Variants in PIWIL2 observed in about 807,000 individuals in gnomAD.
PIWIL2 encodes the protein piwi-like protein 2.
In PIWIL2, 81 loss-of-function variants were observed where a neutral mutation model predicts 116.5. That is an observed-to-expected ratio of 0.70 (90% CI 0.58 to 0.84). The LOEUF (loss-of-function observed/expected upper bound fraction) is 0.84. PIWIL2 is among the 40% of genes least tolerant of loss of function. The probability of loss-of-function intolerance (pLI) is 0.00; values close to 1 mark genes in which losing one functional copy is unlikely to be tolerated. For missense variants in PIWIL2, 1,272 were observed against 1,212.3 expected (o/e 1.05, Z -0.73); for synonymous variants, 489 against 429.5 (o/e 1.14, Z -1.71).
At chr8:22,280,996 T>G (rs943764352) in intron 2 of PIWIL2, 124 bp from the exon 3 acceptor site, 3 of 591,078 alleles carry the variant, frequency 5.1e-6, no homozygotes, top group Non-Finnish European at 8.9e-6. Flanking sequence ...ATAAAATGTT[T>G]CCCTTTATTC....
At chr8:22,344,985 C>T (rs963526271) in intron 20 of PIWIL2, among the ~76,000 whole-genome samples, 5 of 152,134 alleles carry the variant, frequency 3.3e-5, no homozygotes, top group African/African-American at 1.2e-4. Context: ...TAAAATAATG[C>T]AGCTACTTTG....
chr8:22,351,647 C>T (rs550835966), intron 20 of PIWIL2, among the ~76,000 whole-genome samples: 14 of 150,244 alleles, frequency 9.3e-5, no homozygotes, highest in African/African-American at 2.9e-4. Flanking sequence ...AAGCAATTCT[C>T]CTGCCTCAGC....
intron 20 of PIWIL2, among the ~76,000 whole-genome samples, chr8:22,348,125 A>T (rs111427849): frequency 6.6e-6 from 1 of 151,280 alleles, no homozygotes; most frequent in East Asian, 2.0e-4. Context: ...ACATGGCGAA[A>T]CCCCATCTCT....
chr8:22,289,330 T>C (rs1488185233), intron 8 of PIWIL2, among the ~76,000 whole-genome samples: 1 of 152,204 alleles, frequency 6.6e-6, no homozygotes, highest in East Asian at 1.9e-4. Flanking sequence ...TTTTTGTATT[T>C]TTAATAGAGA....
chr8:22,282,997 T>TA (rs768276613), intron 4 of PIWIL2, 37 bp from the exon 5 acceptor site: 20 of 1,524,244 alleles, frequency 1.3e-5, no homozygotes, highest in Non-Finnish European at 1.6e-5. Context: ...ATAGCTATTA[T>TA]AAAAAACCCT....
chr8:22,339,673 A>G (rs1351515250), intron 20 of PIWIL2, among the ~76,000 whole-genome samples: 1 of 152,228 alleles, frequency 6.6e-6, no homozygotes, highest in African/African-American at 2.4e-5. Context: ...AAAAGACACT[A>G]TTAAGAAAGT....
chr8:22,318,735 CAG>C (rs1476770558), intron 20 of PIWIL2, among the ~76,000 whole-genome samples: 3 of 152,210 alleles, frequency 2.0e-5, no homozygotes, highest in African/African-American at 7.2e-5. Flanking sequence ...GCAGGCAGCT[CAG>C]AGCTCCTCCT....
intron 11 of PIWIL2, 35 bp from the exon 12 acceptor site, chr8:22,304,749 T>C (rs752194796): frequency 1.6e-6 from 2 of 1,254,646 alleles, no homozygotes; most frequent in African/African-American, 1.5e-5. Flanking sequence ...TTGATGCTGC[T>C]TCTGAAATTT....
chr8:22,339,738 C>G (rs1832064791), intron 20 of PIWIL2, among the ~76,000 whole-genome samples: 1 of 152,166 alleles, frequency 6.6e-6, no homozygotes, highest in Non-Finnish European at 1.5e-5. Flanking sequence ...TATGGAAAGG[C>G]TCTAGTATCC....
In PIWIL2 at chr8:22,355,798, G is replaced by A. The variant is rs1832477677; in HGVS notation, c.*293G>A. 2 of 354,626 alleles carry A rather than the reference G, an allele frequency of 5.6e-6. No homozygotes were observed. 22.0% of individuals were successfully genotyped at this position (354,626 alleles called of 1,614,324 possible). On this transcript the variant is annotated 3_prime_UTR_variant, in exon 23 of 23. Coordinates refer to ENST00000356766, the MANE Select transcript of PIWIL2 (RefSeq NM_018068.5). ...GGGACCATTAAGACCTCCAGACCGG[G>A]TGCGGTGGTTCACACCTGTAATCCA...
chr8:22,319,705 A>G (rs1042562389), intron 20 of PIWIL2, among the ~76,000 whole-genome samples: 1 of 152,170 alleles, frequency 6.6e-6, no homozygotes, highest in Non-Finnish European at 1.5e-5. Context: ...GTCTTTTCAC[A>G]TGGGCTCTTT....
chr8:22,284,088 G>A, intron 5 of PIWIL2, 74 bp from the exon 6 acceptor site: 2 of 699,418 alleles, frequency 2.9e-6, no homozygotes, highest in South Asian at 3.8e-5. Flanking sequence ...CTTGTTGTTG[G>A]TTGTGTGGGT....
At chr8:22,277,607 A>G (rs897612609) in intron 1 of PIWIL2, among the ~76,000 whole-genome samples, 5 of 151,708 alleles carry the variant, frequency 3.3e-5, no homozygotes, top group African/African-American at 9.7e-5. Flanking sequence ...CCTGGCCTCA[A>G]TGGTCCTCCC....
intron 20 of PIWIL2, among the ~76,000 whole-genome samples, chr8:22,347,032 A>G (rs1029151972): frequency 3.3e-5 from 5 of 151,932 alleles, no homozygotes; most frequent in African/African-American, 9.7e-5. Flanking sequence ...TTAGCTGGGT[A>G]TGGTAGTATA....
intron 20 of PIWIL2, among the ~76,000 whole-genome samples, chr8:22,323,986 GCTTGGTGGCTCATGC>G (rs1446867242): frequency 6.6e-6 from 1 of 152,226 alleles, no homozygotes; most frequent in Non-Finnish European, 1.5e-5. Context: ...TTTGGGCTGG[GCTTGGTGGCTCATGC>G]CTATAATCCC....
At chr8:22,294,618 G>A (rs1830845224) in intron 10 of PIWIL2, among the ~76,000 whole-genome samples, 2 of 138,550 alleles carry the variant, frequency 1.4e-5, no homozygotes, top group African/African-American at 5.5e-5. Context: ...TCCAGCCTGG[G>A]CGACAGAGTG....
chr8:22,325,086 G>A (rs1008919468), intron 20 of PIWIL2, among the ~76,000 whole-genome samples: 2 of 152,118 alleles, frequency 1.3e-5, no homozygotes, highest in Non-Finnish European at 1.5e-5. Flanking sequence ...CTACAGTGTA[G>A]GAATACTACA....
chr8:22,304,893 A>G lies in PIWIL2; in HGVS notation c.1455+25A>G, dbSNP rs199672610. On this transcript the variant is annotated intron_variant, in intron 12 of 22. Transcript: ENST00000356766. ...GGTGAGTAGGGCTGTCAGGCTTACA[A>G]TTCCAGCTTAAGTTCTTCATCCTGT... 6.8e-6 allele frequency: 10 copies of G among 1,470,864 alleles called. 1 individual carries two copies. The highest frequency in any genetic ancestry group is 4.5e-5 in the East Asian group (2 of 44,184). 91.1% of individuals were successfully genotyped at this position (1,470,864 alleles called of 1,614,324 possible).
chr8:22,281,846 A>G (rs2131981632), intron 4 of PIWIL2, among the ~76,000 whole-genome samples: 1 of 141,578 alleles, frequency 7.1e-6, no homozygotes, highest in African/African-American at 2.7e-5. Flanking sequence ...ATCTTGGCTC[A>G]CTGCAACCTC....
Sources: gnomAD v4.1 joint callset for allele counts (sites outside exome capture counted in the v4.1 genomes callset) on GRCh38, gnomAD v4.1.1 for gene constraint, MANE v1.5 for transcripts, NCBI Gene and HGNC (gene_info 2026-07-23, HGNC 2026-07-21) for gene names.